Variants in PDE4B observed in about 807,000 individuals in gnomAD.
PDE4B encodes phosphodiesterase 4B, also known as 3',5'-cyclic-AMP phosphodiesterase 4B.
In PDE4B, 20 loss-of-function variants were observed where a neutral mutation model predicts 82.2. The ratio of observed to expected loss-of-function variants is 0.24; its 90% CI spans 0.17 to 0.35. The LOEUF (loss-of-function observed/expected upper bound fraction) is 0.35. Ranked by LOEUF, PDE4B falls within the 10% of genes least tolerant of loss-of-function variation. The pLI, the probability that PDE4B is intolerant of heterozygous loss-of-function variation, is 1.00. For synonymous variants in PDE4B, 320 were observed against 318.9 expected (o/e 1.00, Z -0.04); for missense variants, 655 against 907.2 (o/e 0.72, Z 3.57).
intron 7 of PDE4B, chr1:66,266,819 G>A (rs1209781103): frequency 1.4e-5 from 6 of 419,528 alleles, no homozygotes; most frequent in African/African-American, 1.2e-4. Context: ...TCCAAATAAT[G>A]TTTTCTCCTA....
Position 66,367,775 on chromosome 1 carries a change from A to G in PDE4B, c.1464A>G (p.Gln488=). 1 of 1,613,914 alleles carries G rather than the reference A, an allele frequency of 6.2e-7. No homozygotes were observed. Among genetic ancestry groups the G allele is most frequent in the Non-Finnish European group, 8.5e-7 (1 of 1,179,838 alleles). ...TTGCTGTGGGTTTCAAACTGCTGCA[A>G]GAAGAACACTGTGACATCTTCATGA... ...HHLAVGFKLL[Q]EEHCDIFMNL... is the part of the protein sequence containing the mutation. The change falls in exon 14 of 17, where the codon CAA becomes CAG. Residue 488 remains glutamine, a synonymous_variant. Coordinates refer to ENST00000341517, the MANE Select transcript of PDE4B (RefSeq NM_002600.4).
At chr1:66,325,615 C>G (rs1371379157) in intron 7 of PDE4B, among the ~76,000 whole-genome samples, 1 of 152,202 alleles carries the variant, frequency 6.6e-6, no homozygotes, top group Admixed American at 6.5e-5. Context: ...CCAACAGTCT[C>G]TAACTTAAGA....
chr1:66,186,285 T>C (rs1647209624), intron 3 of PDE4B, among the ~76,000 whole-genome samples: 3 of 152,214 alleles, frequency 2.0e-5, no homozygotes, highest in Admixed American at 2.0e-4. Context: ...TCCAGCTTTG[T>C]TCTTTTGGCT....
intron 3 of PDE4B, among the ~76,000 whole-genome samples, chr1:66,228,897 G>T (rs1159478528): frequency 7.7e-6 from 1 of 129,594 alleles, no homozygotes. Flanking sequence ...ATGTTGTAAA[G>T]TCTGTCTTCT....
intron 3 of PDE4B, among the ~76,000 whole-genome samples, chr1:66,199,654 T>A (rs1399243214): frequency 6.6e-6 from 1 of 152,186 alleles, no homozygotes; most frequent in Non-Finnish European, 1.5e-5. Context: ...ATGTATGCTT[T>A]TTAAACATAT....
At position 66,302,334 on chromosome 1, in the gene PDE4B, A is replaced by T. The variant is rs993494137; in HGVS notation, c.635-30174A>T. ...TGTCCTTGATGGTCATCTTACTGTC[A>T]TCTGTTACCACCACATACGCTGTCT... On this transcript the variant is annotated intron_variant, in intron 7 of 16. Transcript: ENST00000341517. 3.2e-4 allele frequency among the ~76,000 whole-genome samples: 48 copies of T among 152,196 alleles called. 1 individual carries two copies. Among genetic ancestry groups the T allele is most frequent in the Middle Eastern group, 6.3e-3 (2 of 316 alleles).
intron 3 of PDE4B, among the ~76,000 whole-genome samples, chr1:66,198,637 T>G (rs1227854283): frequency 2.0e-5 from 3 of 152,166 alleles, no homozygotes; most frequent in Non-Finnish European, 4.4e-5. Context: ...TGCTTTAAGT[T>G]TTAGGGTACT....
At chr1:65,891,299 G>A (rs1441681565) in intron 1 of PDE4B, among the ~76,000 whole-genome samples, 1 of 152,016 alleles carries the variant, frequency 6.6e-6, no homozygotes, top group East Asian at 1.9e-4. Flanking sequence ...CTAATGACAG[G>A]CATCTGCTCT....
chr1:65,859,702 T>C (rs1646432304), intron 1 of PDE4B, among the ~76,000 whole-genome samples: 1 of 152,192 alleles, frequency 6.6e-6, no homozygotes, highest in Admixed American at 6.5e-5. Flanking sequence ...GTAACTGACA[T>C]ACAATGTACA....
At chr1:65,827,840 CAA>C (rs1364998213) in intron 1 of PDE4B, among the ~76,000 whole-genome samples, 3 of 152,106 alleles carry the variant, frequency 2.0e-5, no homozygotes, top group African/African-American at 7.2e-5. Context: ...CCTCACACTT[CAA>C]CATATAATGT....
At chr1:65,844,193 A>G (rs1189806460) in intron 1 of PDE4B, among the ~76,000 whole-genome samples, 1 of 152,210 alleles carries the variant, frequency 6.6e-6, no homozygotes, top group Non-Finnish European at 1.5e-5. Context: ...TGGGGGCCAG[A>G]TGGCAAAAGT....
At chr1:66,361,834 T>G in intron 10 of PDE4B, 41 bp downstream of exon 10, 2 of 1,499,116 alleles carry the variant, frequency 1.3e-6, no homozygotes, top group Non-Finnish European at 1.8e-6. Context: ...GCTCTCTGCT[T>G]TACAGCAGAC....
intron 3 of PDE4B, among the ~76,000 whole-genome samples, chr1:66,214,975 G>T (rs1015591479): frequency 6.6e-6 from 1 of 152,070 alleles, no homozygotes; most frequent in Admixed American, 6.6e-5. Context: ...GTGTGGTAGG[G>T]GTTAAAAAGT....
chr1:66,214,542 T>A (rs1378750340), intron 3 of PDE4B, among the ~76,000 whole-genome samples: 1 of 152,206 alleles, frequency 6.6e-6, no homozygotes, highest in African/African-American at 2.4e-5. Flanking sequence ...CTCAGAAGTA[T>A]GTGTTGAAAT....
intron 1 of PDE4B, among the ~76,000 whole-genome samples, chr1:65,873,052 G>C (rs1016349337): frequency 1.5e-4 from 23 of 152,076 alleles, no homozygotes; most frequent in African/African-American, 5.6e-4. Flanking sequence ...AAAACAAAAA[G>C]CCCCTGCTTT....
intron 7 of PDE4B, 81 bp from the exon 8 acceptor site, chr1:66,332,427 T>TCAG: frequency 4.3e-6 from 7 of 1,614,156 alleles, no homozygotes; most frequent in Non-Finnish European, 5.9e-6. Context: ...AGCACCGGAA[T>TCAG]CAGCGGTGGT....
chr1:66,355,680 C>A (rs1662181289), intron 9 of PDE4B, 60 bp downstream of exon 9: 1 of 968,198 alleles, frequency 1.0e-6, no homozygotes, highest in Non-Finnish European at 1.6e-6. Context: ...TTAATTTCTA[C>A]AACCTATCAA....
intron 3 of PDE4B, among the ~76,000 whole-genome samples, chr1:66,211,208 T>A (rs1291055105): frequency 6.6e-6 from 1 of 152,202 alleles, no homozygotes; most frequent in Non-Finnish European, 1.5e-5. Context: ...ATAGATTTAA[T>A]CTCTCCTAAT....
chr1:66,293,855 A>T (rs914907817), intron 7 of PDE4B, among the ~76,000 whole-genome samples: 1 of 152,212 alleles, frequency 6.6e-6, no homozygotes, highest in Non-Finnish European at 1.5e-5. Context: ...GTTCTCAACC[A>T]TATAAAACTG....
Sources: gnomAD v4.1 joint callset for allele counts (sites outside exome capture counted in the v4.1 genomes callset) on GRCh38, gnomAD v4.1.1 for gene constraint, MANE v1.5 for transcripts, NCBI Gene and HGNC (gene_info 2026-07-23, HGNC 2026-07-21) for gene names.